The following SPATS2 variants were observed in gnomAD, a reference collection of about 807,000 sequenced individuals.
The protein encoded by SPATS2 is spermatogenesis associated serine rich 2.
A neutral mutation model predicts 63.7 loss-of-function variants in SPATS2; 38 were observed. That is an observed-to-expected ratio of 0.60 (90% CI 0.46 to 0.78). The LOEUF (loss-of-function observed/expected upper bound fraction) is 0.78, where lower values mean the gene tolerates loss of function less well. SPATS2 is among the 30% of genes least tolerant of loss of function. The pLI is 0.00. For synonymous variants in SPATS2, 207 were observed against 232.9 expected (o/e 0.89, Z 1.01); for missense variants, 588 against 666.2 (o/e 0.88, Z 1.29).
rs528166452 is a variant in SPATS2 at position 49,410,703 on chromosome 12, T to TA, written c.-244+39414dup. The stretch of plus-strand genomic sequence containing the variant: ...ATGCAAAGTTTTGAGTGCTCACTGA[T>TA]ACGTTTATTCCTCTGTTAGATGCTG... On this transcript the variant is annotated intron_variant, in intron 2 of 13. Coordinates refer to ENST00000552918, the MANE Select transcript of SPATS2 (RefSeq NM_023071.4). Among the ~76,000 whole-genome samples, 7 of 152,306 alleles carry TA rather than the reference T, an allele frequency of 4.6e-5. No individual in the cohort carries two copies. In the East Asian group the frequency reaches 1.3e-3, roughly 29 times the overall value.
At chr12:49,524,610 T>G (rs1166532624) in intron 12 of SPATS2, 72 bp from the exon 13 acceptor site, 22 of 1,485,712 alleles carry the variant, frequency 1.5e-5, no homozygotes, top group Non-Finnish European at 2.0e-5. Context: ...ATTGTGAAAT[T>G]GAGAAAGTAG....
At chr12:49,438,090 C>G (rs1206569178) in intron 2 of SPATS2, among the ~76,000 whole-genome samples, 1 of 152,106 alleles carries the variant, frequency 6.6e-6, no homozygotes, top group Non-Finnish European at 1.5e-5. Flanking sequence ...CCCACCAAGA[C>G]AGTTCCCTGA....
intron 9 of SPATS2, among the ~76,000 whole-genome samples, chr12:49,512,361 G>A (rs1422482393): frequency 6.6e-6 from 1 of 151,956 alleles, no homozygotes; most frequent in Non-Finnish European, 1.5e-5. Context: ...TTTTTGGCAT[G>A]AAAACATAAG....
intron 2 of SPATS2, among the ~76,000 whole-genome samples, chr12:49,373,433 T>C (rs572788406): frequency 1.3e-5 from 2 of 152,338 alleles, no homozygotes; most frequent in African/African-American, 4.8e-5. Flanking sequence ...GTGGTCTGTC[T>C]GAAACCCAGT....
At chr12:49,390,048 A>C in intron 2 of SPATS2, 10 of 1,010,186 alleles carry the variant, frequency 9.9e-6, no homozygotes, top group Non-Finnish European at 1.6e-5. Context: ...AAGGCGTTAG[A>C]GAGATCCTAT....
At chr12:49,444,508 T>A (rs952711692) in intron 2 of SPATS2, among the ~76,000 whole-genome samples, 4 of 152,114 alleles carry the variant, frequency 2.6e-5, no homozygotes, top group African/African-American at 9.7e-5. Context: ...TGTGAGCCAT[T>A]ACACCCAGCC....
intron 2 of SPATS2, among the ~76,000 whole-genome samples, chr12:49,436,866 C>T (rs1199020013): frequency 5.0e-5 from 7 of 139,766 alleles, no homozygotes; most frequent in Non-Finnish European, 1.1e-4. Context: ...GGGGGCTGAC[C>T]CCCCCACCTC....
intron 7 of SPATS2, 59 bp downstream of exon 7, chr12:49,495,061 C>A: frequency 2.8e-6 from 4 of 1,443,018 alleles, no homozygotes; most frequent in Non-Finnish European, 3.7e-6. Context: ...GGGTTCTCCT[C>A]GTTGAGAAAG....
At chr12:49,424,156 TC>T (rs1156330888) in intron 2 of SPATS2, among the ~76,000 whole-genome samples, 2 of 152,078 alleles carry the variant, frequency 1.3e-5, no homozygotes, top group African/African-American at 4.8e-5. Context: ...TGAGCTGAGA[TC>T]CTGCCACTGC....
intron 3 of SPATS2, among the ~76,000 whole-genome samples, chr12:49,470,389 T>A (rs1323218168): frequency 6.6e-6 from 1 of 152,182 alleles, no homozygotes; most frequent in Non-Finnish European, 1.5e-5. Context: ...GTTTTATTGA[T>A]AGTGCTAGAA....
intron 2 of SPATS2, among the ~76,000 whole-genome samples, chr12:49,453,856 C>CTT (rs869155580): frequency 0.16 from 11,916 of 76,092 alleles, 2,085 homozygotes; most frequent in African/African-American, 0.25. Context: ...AAATAGCATT[C>CTT]TTTTTTTTTT....
At chr12:49,469,189 G>A (rs1945984276) in intron 3 of SPATS2, among the ~76,000 whole-genome samples, 1 of 151,916 alleles carries the variant, frequency 6.6e-6, no homozygotes, top group Non-Finnish European at 1.5e-5. Context: ...CTTGAGGTCA[G>A]GACTTCGAGA....
intron 3 of SPATS2, chr12:49,469,440 G>A: frequency 6.5e-6 from 2 of 308,378 alleles, no homozygotes; most frequent in South Asian, 2.4e-5. Context: ...TGTGCCTGTA[G>A]TCCCAGATAT....
At chr12:49,452,351 C>T (rs1224507310) in intron 2 of SPATS2, among the ~76,000 whole-genome samples, 1 of 152,222 alleles carries the variant, frequency 6.6e-6, no homozygotes, top group African/African-American at 2.4e-5. Context: ...AGACTCATGG[C>T]TGATTGCAAC....
At chr12:49,496,526 C>T (rs760407325) in intron 7 of SPATS2, among the ~76,000 whole-genome samples, 29 of 152,174 alleles carry the variant, frequency 1.9e-4, no homozygotes, top group Non-Finnish European at 3.8e-4. Context: ...TTGTGCCAGA[C>T]TTACATAGAA....
chr12:49,412,037 C>A (rs1213410861), intron 2 of SPATS2, among the ~76,000 whole-genome samples: 1 of 152,032 alleles, frequency 6.6e-6, no homozygotes, highest in Non-Finnish European at 1.5e-5. Flanking sequence ...TCCAAACTTA[C>A]AGGATTTAAA....
intron 9 of SPATS2, among the ~76,000 whole-genome samples, chr12:49,506,635 C>T (rs1462918770): frequency 6.6e-6 from 1 of 152,064 alleles, no homozygotes; most frequent in East Asian, 1.9e-4. Context: ...TTACTTGAGT[C>T]CAGGAGTTCA....
At chr12:49,417,772 C>A (rs147623423) in intron 2 of SPATS2, among the ~76,000 whole-genome samples, 4 of 152,214 alleles carry the variant, frequency 2.6e-5, no homozygotes, top group Non-Finnish European at 5.9e-5. Context: ...TACAACACTT[C>A]TGGGAAGAAG....
chr12:49,430,105 T>G lies in SPATS2; in HGVS notation c.-243-30665T>G, dbSNP rs1163652439. Among the ~76,000 whole-genome samples, 6 of 146,726 alleles carry G rather than the reference T, an allele frequency of 4.1e-5. No individual in the cohort carries two copies. The South Asian group carries it at 8.7e-4, about 21-fold the overall frequency. On this transcript the variant is annotated intron_variant, in intron 2 of 13. Transcript: ENST00000552918. Reference sequence around the variant, plus strand: ...CATCTTTTTCATATTTCTTGTTTTTTTTTTTTTTTTTTTGAGACAAAGTCT... The same window carrying G: ...CATCTTTTTCATATTTCTTGTTTTTGTTTTTTTTTTTTTGAGACAAAGTCT...
Sources: gnomAD v4.1 joint callset for allele counts (sites outside exome capture counted in the v4.1 genomes callset) on GRCh38, gnomAD v4.1.1 for gene constraint, MANE v1.5 for transcripts, NCBI Gene and HGNC (gene_info 2026-07-23, HGNC 2026-07-21) for gene names.